Variants in IFT81 observed in about 807,000 individuals in gnomAD.
IFT81 encodes intraflagellar transport 81.
Under a neutral mutation model 102.6 loss-of-function variants are expected in IFT81, and 72 were observed. The observed-to-expected ratio is 0.70, with a 90% confidence interval of 0.58 to 0.85. IFT81 has a LOEUF of 0.85. Ranked by LOEUF, IFT81 falls within the 40% of genes least tolerant of loss-of-function variation. The pLI, the probability that IFT81 is intolerant of heterozygous loss-of-function variation, is 0.00. For missense variants in IFT81, 723 were observed against 787.3 expected (o/e 0.92, Z 0.98); for synonymous variants, 237 against 242.7 (o/e 0.98, Z 0.22).
At chr12:110,184,470 C>T (rs964046898) in intron 12 of IFT81, among the ~76,000 whole-genome samples, 5 of 152,186 alleles carry the variant, frequency 3.3e-5, no homozygotes, top group African/African-American at 9.7e-5. Context: ...GTTACTATTT[C>T]TCCTCAAATG....
intron 8 of IFT81, among the ~76,000 whole-genome samples, chr12:110,139,849 A>AAATAAATAAAATAAAAT (rs1338081140): frequency 6.3e-4 from 80 of 126,026 alleles, no homozygotes; most frequent in Non-Finnish European, 1.2e-3. Context: ...AAATAAAATA[A>AAATAAATAAAATAAAAT]ATAAAATAAA....
At chr12:110,152,340 A>G (rs1895588068) in intron 10 of IFT81, among the ~76,000 whole-genome samples, 3 of 152,182 alleles carry the variant, frequency 2.0e-5, no homozygotes, top group Admixed American at 2.0e-4. Flanking sequence ...TTTTGATAGT[A>G]GCCATTCTAA....
intron 10 of IFT81, among the ~76,000 whole-genome samples, chr12:110,147,934 T>A (rs1895315514): frequency 6.6e-6 from 1 of 152,204 alleles, no homozygotes; most frequent in African/African-American, 2.4e-5. Flanking sequence ...TTCCTTAATA[T>A]CAGAAAATAT....
At chr12:110,169,403 C>A (rs1593328494) in intron 11 of IFT81, among the ~76,000 whole-genome samples, 1 of 152,156 alleles carries the variant, frequency 6.6e-6, no homozygotes, top group East Asian at 1.9e-4. Flanking sequence ...TTGAGTTCTC[C>A]CAGTGAATCA....
intron 2 of IFT81, among the ~76,000 whole-genome samples, chr12:110,127,747 T>C (rs1372035176): frequency 6.6e-6 from 1 of 152,242 alleles, no homozygotes; most frequent in African/African-American, 2.4e-5. Context: ...TAAATAGGTT[T>C]GGTTAGGGAA....
At chr12:110,137,666 G>C (rs544935348) in intron 8 of IFT81, among the ~76,000 whole-genome samples, 1 of 151,878 alleles carries the variant, frequency 6.6e-6, no homozygotes, top group East Asian at 1.9e-4. Flanking sequence ...AACCTAGAAG[G>C]CAGAGGTTGC....
intron 14 of IFT81, among the ~76,000 whole-genome samples, chr12:110,198,689 G>GT (rs1262006298): frequency 1.3e-5 from 2 of 151,692 alleles, no homozygotes; most frequent in Non-Finnish European, 1.5e-5. Flanking sequence ...TCAGCTCTGT[G>GT]TTTTAGTTCA....
intron 14 of IFT81, among the ~76,000 whole-genome samples, chr12:110,201,248 C>T (rs948309579): frequency 6.6e-6 from 1 of 150,930 alleles, no homozygotes; most frequent in Non-Finnish European, 1.5e-5. Flanking sequence ...ACTAAAAATA[C>T]GAAATTATCT....
At chr12:110,148,908 T>G (rs115992999) in intron 10 of IFT81, among the ~76,000 whole-genome samples, 2,255 of 152,290 alleles carry the variant, frequency 0.015, 63 homozygotes, top group African/African-American at 0.052. Flanking sequence ...TTGTTTCCTC[T>G]AACTCATTTG....
chr12:110,137,759 A>G (rs1435461567), intron 8 of IFT81, among the ~76,000 whole-genome samples: 1 of 151,998 alleles, frequency 6.6e-6, no homozygotes, highest in Non-Finnish European at 1.5e-5. Context: ...AAATAAATAA[A>G]TAAATAAAGG....
intron 10 of IFT81, among the ~76,000 whole-genome samples, chr12:110,159,639 C>G (rs1227512278): frequency 6.6e-6 from 1 of 152,186 alleles, no homozygotes; most frequent in Admixed American, 6.5e-5. Context: ...TATAATTCCT[C>G]TAGAAGTCAC....
rs74426347 is a variant in IFT81 at position 110,159,266 on chromosome 12, C to T, written c.1042-3653C>T. Among the ~76,000 whole-genome samples, 1,051 of 152,242 alleles carry T rather than the reference C, an allele frequency of 6.9e-3. 1 individual carries two copies. Among genetic ancestry groups the T allele is most frequent in the Non-Finnish European group, 9.4e-3 (642 of 68,010 alleles). ...TGTGGTTGAGCTCAGGAGTTTGAGACTAACCTGGGCAACATGGCAAGGTCT... is the reference window on the plus strand; with the variant it reads ...TGTGGTTGAGCTCAGGAGTTTGAGATTAACCTGGGCAACATGGCAAGGTCT... On this transcript the variant is annotated intron_variant, in intron 10 of 18. Coordinates refer to ENST00000242591, the MANE Select transcript of IFT81 (RefSeq NM_014055.4).
rs761898913 is a variant in IFT81, at chr12:110,209,179, A to G, written c.1811A>G (p.Tyr604Cys). 1 of 1,541,728 alleles carries G rather than the reference A, an allele frequency of 6.5e-7. No individual in the cohort carries two copies. Among genetic ancestry groups the G allele is most frequent in the East Asian group, 2.3e-5 (1 of 44,324 alleles). ...TTATGTTGACTCCCTAGGGAACAGT[A>G]TACCAAAAATACTGCTGAACAAGAA... Reference protein sequence around the residue: ...QEKRKAIREQYTKNTAEQENL... With the variant: ...QEKRKAIREQCTKNTAEQENL... Residue 604 changes from tyrosine to cysteine, a missense_variant, in exon 18 of 19, where the codon TAT becomes TGT. Transcript: ENST00000242591.
intron 11 of IFT81, among the ~76,000 whole-genome samples, chr12:110,163,398 G>A (rs548596464): frequency 4.0e-4 from 61 of 151,890 alleles, no homozygotes; most frequent in African/African-American, 1.5e-3. Context: ...CTGCCAACAT[G>A]CCCAGCTAAT....
At chr12:110,156,741 C>T (rs1216322349) in intron 10 of IFT81, among the ~76,000 whole-genome samples, 1 of 152,170 alleles carries the variant, frequency 6.6e-6, no homozygotes, top group Non-Finnish European at 1.5e-5. Flanking sequence ...AAGTGATCTG[C>T]CTGCCCCAGC....
chr12:110,187,001 A>G (rs1032206873), intron 12 of IFT81, among the ~76,000 whole-genome samples: 2 of 143,206 alleles, frequency 1.4e-5, no homozygotes, highest in Non-Finnish European at 3.1e-5. Context: ...TTCAATCTGT[A>G]TTTTTTTCTA....
At chr12:110,161,804 T>C (rs1450868680) in intron 10 of IFT81, among the ~76,000 whole-genome samples, 1 of 152,152 alleles carries the variant, frequency 6.6e-6, no homozygotes, top group South Asian at 2.1e-4. Context: ...CATTGCTTCA[T>C]GATCACCTGT....
rs58826039 is a variant in IFT81, at chr12:110,212,759, C to T, written c.1848+3543C>T. Among the ~76,000 whole-genome samples, 169 of 151,998 alleles carry T rather than the reference C, an allele frequency of 1.1e-3. 3 individuals are homozygous for T. The highest frequency in any genetic ancestry group is 3.9e-3 in the African/African-American group (161 of 41,444). On this transcript the variant is annotated intron_variant, in intron 18 of 18. Coordinates refer to ENST00000242591, the MANE Select transcript of IFT81 (RefSeq NM_014055.4). ...GGCTGAGGCAGGAGAATTGCTTGAA[C>T]CCAGGAGGTGGAGGTTGCAGTGAGC... is the stretch of plus-strand genomic sequence containing the variant.
Position 110,143,558 on chromosome 12 carries a change from C to A in IFT81, c.945+13C>A. The A allele has an allele frequency of 6.5e-7, 1 of 1,532,586 alleles. No homozygotes were observed. The highest frequency in any genetic ancestry group is 1.3e-5 in the South Asian group (1 of 75,526). The allele number at this position is 1,532,586 out of a possible 1,614,324, so 94.9% of individuals were successfully genotyped here. ...ACTTGAATCTAAAGTAAGTGAGAAT[C>A]ATCTTTTTATAGCTCTCAATTTTAT... On this transcript the variant is annotated intron_variant, in intron 9 of 18. Transcript: ENST00000242591.
Sources: allele counts gnomAD v4.1 joint callset (sites outside exome capture counted in the v4.1 genomes callset), GRCh38; gene constraint gnomAD v4.1.1; transcripts MANE v1.5; gene names NCBI Gene and HGNC (gene_info 2026-07-23, HGNC 2026-07-21).